The following NALF1 variants were observed in gnomAD, a reference collection of about 807,000 sequenced individuals.
NALF1 encodes the protein NALCN channel auxiliary factor 1.
In NALF1, 3 loss-of-function variants were observed where a neutral mutation model predicts 48.4. That is an observed-to-expected ratio of 0.06 (90% CI 0.03 to 0.16). The LOEUF is 0.16. Ranked by LOEUF, NALF1 falls within the 10% of genes least tolerant of loss-of-function variation. The probability of loss-of-function intolerance (pLI) is 1.00; values close to 1 mark genes in which losing one functional copy is unlikely to be tolerated. For missense variants in NALF1, 526 were observed against 571.5 expected (o/e 0.92, Z 0.81); for synonymous variants, 262 against 245.7 (o/e 1.07, Z -0.62).
intron 1 of NALF1, among the ~76,000 whole-genome samples, chr13:107,812,948 G>A (rs1879042953): frequency 1.3e-5 from 2 of 152,000 alleles, no homozygotes; most frequent in South Asian, 2.1e-4. Flanking sequence ...TAGAGAATAG[G>A]TTTTGCCATG....
intron 1 of NALF1, among the ~76,000 whole-genome samples, chr13:107,561,804 C>G (rs1219564329): frequency 6.6e-6 from 1 of 152,184 alleles, no homozygotes; most frequent in African/African-American, 2.4e-5. Flanking sequence ...CATGGTAAAC[C>G]TGTGTTTGCA....
chr13:107,335,511 G>A (rs945360866), intron 1 of NALF1, among the ~76,000 whole-genome samples: 2 of 152,004 alleles, frequency 1.3e-5, no homozygotes, highest in African/African-American at 4.8e-5. Context: ...ATCTAAAATT[G>A]AACATTTTCT....
intron 1 of NALF1, among the ~76,000 whole-genome samples, chr13:107,701,129 T>A (rs1220961042): frequency 6.6e-6 from 1 of 152,176 alleles, no homozygotes; most frequent in East Asian, 1.9e-4. Flanking sequence ...AATCCCTCTT[T>A]GGGGTGCATA....
intron 1 of NALF1, among the ~76,000 whole-genome samples, chr13:107,819,150 T>C (rs891538070): frequency 6.6e-6 from 1 of 151,814 alleles, no homozygotes; most frequent in Non-Finnish European, 1.5e-5. Context: ...TAACCTGATG[T>C]CTTGAAGATA....
At chr13:107,536,018 A>G (rs1359765247) in intron 1 of NALF1, among the ~76,000 whole-genome samples, 4 of 152,216 alleles carry the variant, frequency 2.6e-5, no homozygotes, top group African/African-American at 9.6e-5. Context: ...AAAACTGGCT[A>G]GCCATATGTA....
At chr13:107,755,101 A>G (rs556695611) in intron 1 of NALF1, among the ~76,000 whole-genome samples, 1 of 152,224 alleles carries the variant, frequency 6.6e-6, no homozygotes, top group South Asian at 2.1e-4. Context: ...AGGAGTTAAA[A>G]CCTTTAAAAG....
At chr13:107,739,189 C>T (rs980708946) in intron 1 of NALF1, among the ~76,000 whole-genome samples, 3 of 151,740 alleles carry the variant, frequency 2.0e-5, no homozygotes, top group African/African-American at 7.3e-5. Context: ...GAGAGAGCAT[C>T]GAGACAAATA....
intron 1 of NALF1, among the ~76,000 whole-genome samples, chr13:107,808,965 T>C (rs1208904451): frequency 1.3e-5 from 2 of 152,112 alleles, no homozygotes; most frequent in African/African-American, 2.4e-5. Flanking sequence ...ACTTCAAGAA[T>C]AGGGCTAACA....
intron 1 of NALF1, among the ~76,000 whole-genome samples, chr13:107,453,076 T>C (rs764186710): frequency 8.5e-5 from 13 of 152,202 alleles, no homozygotes; most frequent in Non-Finnish European, 1.8e-4. Flanking sequence ...CCTGGCTGCT[T>C]TCATGGCTGG....
Position 107,866,777 on chromosome 13 carries a change from C to T in NALF1, c.-181G>A. The T allele has an allele frequency of 3.3e-6, 2 of 599,168 alleles. No homozygotes were observed. Among genetic ancestry groups the T allele is most frequent in the Admixed American group, 3.0e-5 (1 of 33,262 alleles). 37.1% of individuals were successfully genotyped at this position (599,168 alleles called of 1,614,324 possible). A position where few individuals can be genotyped will look rare whatever the true frequency, so the allele number is the denominator to read the frequency against. On this transcript the variant is annotated 5_prime_UTR_variant, in exon 1 of 3. Transcript: ENST00000375915. The surrounding 1 kb of genome is among the most constrained non-coding windows in gnomAD (Gnocchi z 4.4). ...TCTCCTCTCTCTCTCTCTCCCTCTC[C>T]CTCTCTTTTATCTCTCTCTGTCTCT...
chr13:107,482,178 T>A (rs75172613), intron 1 of NALF1, among the ~76,000 whole-genome samples: 3,027 of 152,200 alleles, frequency 0.02, 121 homozygotes, highest in African/African-American at 0.069. Flanking sequence ...AAAAGACTTA[T>A]CTCTCCCGAG....
intron 1 of NALF1, among the ~76,000 whole-genome samples, chr13:107,629,735 T>C (rs1035067789): frequency 2.0e-5 from 3 of 152,198 alleles, no homozygotes; most frequent in African/African-American, 7.2e-5. Flanking sequence ...TAGATAGATA[T>C]AGATAGAAAT....
intron 1 of NALF1, among the ~76,000 whole-genome samples, chr13:107,269,927 T>A (rs1881123022): frequency 7.2e-6 from 1 of 138,684 alleles, no homozygotes; most frequent in Non-Finnish European, 1.6e-5. Flanking sequence ...TTTTTTTTTT[T>A]TTTTTTTTTT....
intron 1 of NALF1, among the ~76,000 whole-genome samples, chr13:107,342,352 T>C (rs1291422782): frequency 1.3e-5 from 2 of 152,208 alleles, no homozygotes; most frequent in East Asian, 1.9e-4. Context: ...GTAATAACCA[T>C]GTTCTTAAGT....
At chr13:107,669,893 A>T (rs950510246) in intron 1 of NALF1, among the ~76,000 whole-genome samples, 1 of 152,036 alleles carries the variant, frequency 6.6e-6, no homozygotes, top group African/African-American at 2.4e-5. Context: ...TGGGTCACGG[A>T]ATTATATGGA....
intron 1 of NALF1, among the ~76,000 whole-genome samples, chr13:107,661,498 G>C (rs891778746): frequency 6.6e-6 from 1 of 151,740 alleles, no homozygotes. Flanking sequence ...CGTCTTTTGC[G>C]AGCGGCCAAC....
intron 1 of NALF1, among the ~76,000 whole-genome samples, chr13:107,271,686 A>G (rs9520357): frequency 0.7 from 104,576 of 149,552 alleles, 37,126 homozygotes; most frequent in South Asian, 0.82. Context: ...AAGATGGTCT[A>G]ATACAAATAA....
intron 1 of NALF1, among the ~76,000 whole-genome samples, chr13:107,403,723 T>TCAA (rs1566327619): frequency 2.7e-5 from 4 of 150,654 alleles, no homozygotes; most frequent in African/African-American, 9.8e-5. Context: ...CCACAAATTT[T>TCAA]AAAAAAAAAC....
chr13:107,685,794 A>G (rs1475039473), intron 1 of NALF1, among the ~76,000 whole-genome samples: 1 of 152,236 alleles, frequency 6.6e-6, no homozygotes, highest in Non-Finnish European at 1.5e-5. Flanking sequence ...AAAGTGCAGA[A>G]ATGCAAATGA....
Sources: allele counts gnomAD v4.1 joint callset (sites outside exome capture counted in the v4.1 genomes callset), GRCh38; gene constraint gnomAD v4.1.1; non-coding constraint Gnocchi (gnomAD v3.1); transcripts MANE v1.5; gene names NCBI Gene and HGNC (gene_info 2026-07-23, HGNC 2026-07-21).